The following MSRA variants were observed in gnomAD, a reference collection of about 807,000 sequenced individuals.
The protein encoded by MSRA is mitochondrial peptide methionine sulfoxide reductase.
MSRA carries 54 observed loss-of-function variants against 31.3 expected under a neutral mutation model. The observed-to-expected ratio is 1.73, with a 90% CI of 1.39 to 2.17. The LOEUF is 2.17. Among genes scored for constraint, MSRA ranks in the 30% most tolerant of loss-of-function variants. The pLI is 0.00. For synonymous variants in MSRA, 169 were observed against 116.5 expected, an observed-to-expected ratio of 1.45 and a Z score of -2.90; for missense variants, 507 against 300.9, an observed-to-expected ratio of 1.69 and a Z score of -5.07.
At chr8:10,278,542 G>A (rs772444375) in intron 3 of MSRA, among the ~76,000 whole-genome samples, 22 of 152,186 alleles carry the variant, frequency 1.4e-4, no homozygotes, top group Non-Finnish European at 2.6e-4. Flanking sequence ...TCAGATGGAC[G>A]GAGAGCACAT....
At chr8:10,333,976 C>T (rs555514489) in intron 5 of MSRA, among the ~76,000 whole-genome samples, 2 of 152,128 alleles carry the variant, frequency 1.3e-5, no homozygotes, top group Admixed American at 6.5e-5. Flanking sequence ...GAGAATTTCA[C>T]CTATCAGATT....
At chr8:10,384,844 C>CA (rs1184366288) in intron 5 of MSRA, among the ~76,000 whole-genome samples, 1 of 151,502 alleles carries the variant, frequency 6.6e-6, no homozygotes, top group Non-Finnish European at 1.5e-5. Context: ...TCTTTGTCTC[C>CA]AAAAAAAATT....
intron 1 of MSRA, among the ~76,000 whole-genome samples, chr8:10,119,292 G>A (rs1245641149): frequency 6.6e-6 from 1 of 152,226 alleles, no homozygotes; most frequent in African/African-American, 2.4e-5. Context: ...ATGGGTCTTT[G>A]TCCGACAGAA....
chr8:10,090,917 T>C (rs1288799585), intron 1 of MSRA, among the ~76,000 whole-genome samples: 1 of 152,244 alleles, frequency 6.6e-6, no homozygotes, highest in Non-Finnish European at 1.5e-5. Context: ...CCAACAACAT[T>C]GTATCCGTTC....
At chr8:10,310,532 TGTCTG>T (rs1473712880) in intron 4 of MSRA, among the ~76,000 whole-genome samples, 6 of 152,240 alleles carry the variant, frequency 3.9e-5, no homozygotes, top group Non-Finnish European at 1.5e-5. Flanking sequence ...AAGGGTTTGG[TGTCTG>T]CACTCTGAGT....
At chr8:10,291,945 C>A (rs572638016) in intron 3 of MSRA, among the ~76,000 whole-genome samples, 1 of 152,172 alleles carries the variant, frequency 6.6e-6, no homozygotes, top group African/African-American at 2.4e-5. Flanking sequence ...TTGTCACCAT[C>A]GTTACATTAG....
intron 1 of MSRA, among the ~76,000 whole-genome samples, chr8:10,107,838 A>G (rs1403214569): frequency 3.3e-5 from 5 of 152,148 alleles, no homozygotes. Context: ...GCAGAACTGT[A>G]CCTAAATTAT....
chr8:10,394,136 G>C (rs1182566952), intron 5 of MSRA, among the ~76,000 whole-genome samples: 1 of 152,226 alleles, frequency 6.6e-6, no homozygotes. Flanking sequence ...TATTTTACCA[G>C]TCTCTTCGAC....
At chr8:10,283,830 T>TACACACACACAC (rs1170038638) in intron 3 of MSRA, among the ~76,000 whole-genome samples, 7 of 65,318 alleles carry the variant, frequency 1.1e-4, no homozygotes, top group Non-Finnish European at 1.8e-4. Context: ...TATATATATA[T>TACACACACACAC]ATATATACAC....
chr8:10,338,167 G>A (rs1047407475), intron 5 of MSRA, among the ~76,000 whole-genome samples: 1 of 152,248 alleles, frequency 6.6e-6, no homozygotes, highest in East Asian at 1.9e-4. Flanking sequence ...AGGAAAGTGA[G>A]CCCCGAGAAA....
chr8:10,301,155 A>G (rs1291183105), intron 3 of MSRA, among the ~76,000 whole-genome samples: 1 of 152,202 alleles, frequency 6.6e-6, no homozygotes, highest in Non-Finnish European at 1.5e-5. Flanking sequence ...TGGAGTGATG[A>G]TAAAAATAAA....
intron 5 of MSRA, among the ~76,000 whole-genome samples, chr8:10,379,079 A>T (rs770900023): frequency 2.0e-5 from 3 of 152,008 alleles, no homozygotes; most frequent in Non-Finnish European, 4.4e-5. Context: ...TTGCTTCATA[A>T]CCTTCATATT....
intron 5 of MSRA, among the ~76,000 whole-genome samples, chr8:10,320,862 C>A (rs895748279): frequency 5.9e-5 from 9 of 152,072 alleles, no homozygotes; most frequent in African/African-American, 2.2e-4. Context: ...TTTCTTTGTC[C>A]AAGCTTCTTG....
chr8:10,302,935 G>A (rs901870307), intron 4 of MSRA, among the ~76,000 whole-genome samples: 2 of 152,220 alleles, frequency 1.3e-5, no homozygotes, highest in Non-Finnish European at 2.9e-5. Context: ...ACTTCATGTG[G>A]GAAGGCAGGT....
At chr8:10,233,727 T>C (rs761686454) in intron 2 of MSRA, among the ~76,000 whole-genome samples, 2 of 151,702 alleles carry the variant, frequency 1.3e-5, no homozygotes, top group Non-Finnish European at 2.9e-5. Context: ...GTAAAGGGAG[T>C]TCTGGAGAAA....
At chr8:10,225,410 G>T (rs1044383481) in intron 2 of MSRA, among the ~76,000 whole-genome samples, 4 of 152,186 alleles carry the variant, frequency 2.6e-5, no homozygotes, top group African/African-American at 9.7e-5. Context: ...TGATGATAGG[G>T]CCTGGTCTTG....
chr8:10,224,559 C>T (rs759215530), intron 2 of MSRA, among the ~76,000 whole-genome samples: 6 of 152,102 alleles, frequency 3.9e-5, no homozygotes, highest in Non-Finnish European at 8.8e-5. Context: ...AGGGCACACT[C>T]TTTAATGGGT....
At chr8:10,314,695 T>A (rs1563340321) in intron 4 of MSRA, among the ~76,000 whole-genome samples, 1 of 152,194 alleles carries the variant, frequency 6.6e-6, no homozygotes, top group East Asian at 1.9e-4. Context: ...AGAGAATACA[T>A]GTCAAGAATG....
intron 1 of MSRA, among the ~76,000 whole-genome samples, chr8:10,119,313 G>C (rs62488709): frequency 0.21 from 31,862 of 152,154 alleles, 3,955 homozygotes; most frequent in East Asian, 0.39. Flanking sequence ...GACTTTTGTT[G>C]AATAAGATGA....
Sources: gnomAD v4.1 joint callset for allele counts (sites outside exome capture counted in the v4.1 genomes callset) on GRCh38, gnomAD v4.1.1 for gene constraint, MANE v1.5 for transcripts, NCBI Gene and HGNC (gene_info 2026-07-23, HGNC 2026-07-21) for gene names.